SDC4: variants seen among roughly 807,000 people sequenced by gnomAD.
The protein encoded by SDC4 is syndecan 4.
Under a neutral mutation model 20.5 loss-of-function variants are expected in SDC4, and 17 were observed. The ratio of observed to expected loss-of-function variants is 0.83; its 90% CI spans 0.57 to 1.25. SDC4 has a LOEUF of 1.25. Among genes scored for constraint, SDC4 ranks in the 50% most tolerant of loss-of-function variants. SDC4 has a pLI of 0.00. For missense variants in SDC4, 241 were observed against 252.3 expected (o/e 0.96, Z 0.30); for synonymous variants, 107 against 105.3 (o/e 1.02, Z -0.10).
rs1268154603 is a variant in SDC4 at position 45,333,017 on chromosome 20, A to G, written c.246+6T>C. 3.7e-6 allele frequency: 6 copies of G among 1,613,878 alleles called. No homozygotes were observed. The highest frequency in any genetic ancestry group is 5.1e-6 in the Non-Finnish European group (6 of 1,179,816). ...GTGGAAGAGGCAGAAGCATGTAGCT[A>G]CTTACCAAGGGATGGACAACTTCAG... On this transcript the variant is annotated splice_donor_region_variant and intron_variant, in intron 3 of 4. Transcript: ENST00000372733.
chr20:45,345,427 C>T (rs14142), intron 1 of SDC4: 48,314 of 152,080 alleles, frequency 0.32, 8,489 homozygotes, highest in East Asian at 0.42. Flanking sequence ...AAGAGGCCTC[C>T]CCCCAACCTC....
chr20:45,348,407 G>T lies in SDC4; in HGVS notation c.-23C>A. On this transcript the variant is annotated 5_prime_UTR_variant, in exon 1 of 5. Transcript: ENST00000372733. The stretch of plus-strand genomic sequence containing the variant: ...CATGGCACCGCGGACTGGAGAAGGC[G>T]CGCAGGCTGCGGCGAGTGGCCCCGG... The T allele has an allele frequency of 2.0e-6, 3 of 1,535,256 alleles. No homozygotes were observed. Among genetic ancestry groups the T allele is most frequent in the African/African-American group, 2.8e-5 (2 of 70,858 alleles).
intron 3 of SDC4, among the ~76,000 whole-genome samples, chr20:45,332,158 TAC>T (rs1289538067): frequency 1.8e-5 from 2 of 108,452 alleles, no homozygotes; most frequent in East Asian, 7.1e-4. Flanking sequence ...TATATATATA[TAC>T]TTTTTTTTTT....
chr20:45,336,455 T>A (rs1987869995), intron 1 of SDC4, among the ~76,000 whole-genome samples: 1 of 152,176 alleles, frequency 6.6e-6, no homozygotes, highest in Non-Finnish European at 1.5e-5. Flanking sequence ...ATCAAATTAT[T>A]AATATGGCTA....
At chr20:45,348,245 A>AT (rs1491150140) in intron 1 of SDC4, 80 bp downstream of exon 1, 2 of 618,164 alleles carry the variant, frequency 3.2e-6, no homozygotes, top group African/African-American at 6.2e-5. Context: ...GCCCCCCCCC[A>AT]TCCCACGCTC....
Position 45,334,485 on chromosome 20 carries a change from T to A in SDC4, c.199+1297A>T, listed in dbSNP as rs529438848. Among the ~76,000 whole-genome samples, 14 of 152,204 alleles carry A rather than the reference T, an allele frequency of 9.2e-5. No homozygotes were observed. In the South Asian group the frequency reaches 2.9e-3, roughly 32 times the overall value. Reference sequence around the variant, plus strand: ...TGTTGTATGCACATAATGAAATTTATTTTTTTATTTTTATTTTTTTTCAAG... The same window carrying A: ...TGTTGTATGCACATAATGAAATTTAATTTTTTATTTTTATTTTTTTTCAAG... On this transcript the variant is annotated intron_variant, in intron 2 of 4. Transcript: ENST00000372733.
chr20:45,340,461 C>G (rs1987938469), intron 1 of SDC4, among the ~76,000 whole-genome samples: 1 of 152,230 alleles, frequency 6.6e-6, no homozygotes, highest in African/African-American at 2.4e-5. Flanking sequence ...CTTCTCACTG[C>G]CACCCACTCT....
intron 1 of SDC4, among the ~76,000 whole-genome samples, chr20:45,342,364 C>T (rs984840725): frequency 1.3e-5 from 2 of 152,202 alleles, no homozygotes; most frequent in Admixed American, 6.5e-5. Context: ...TCTGGGTAGC[C>T]GGGCCAGCCA....
intron 4 of SDC4, 28 bp from the exon 5 acceptor site, chr20:45,327,443 G>A: frequency 6.2e-7 from 1 of 1,605,094 alleles, no homozygotes; most frequent in Non-Finnish European, 8.5e-7. Flanking sequence ...GAAGAGGCGG[G>A]GGTGAGAGCT....
At chr20:45,344,705 G>C (rs1181996174) in intron 1 of SDC4, among the ~76,000 whole-genome samples, 1 of 152,176 alleles carries the variant, frequency 6.6e-6, no homozygotes, top group Non-Finnish European at 1.5e-5. Context: ...TCTCTTCTGA[G>C]ACTGGGATTT....
chr20:45,333,540 G>A (rs776985560), intron 2 of SDC4, among the ~76,000 whole-genome samples: 22 of 152,126 alleles, frequency 1.4e-4, no homozygotes, highest in Non-Finnish European at 1.3e-4. Context: ...GTGATGGCAC[G>A]CGCCTGTAAT....
chr20:45,333,663 C>T (rs1204207210), intron 2 of SDC4, among the ~76,000 whole-genome samples: 4 of 152,086 alleles, frequency 2.6e-5, no homozygotes, highest in East Asian at 1.9e-4. Context: ...AACAAGACTC[C>T]GTCTCAAAAA....
At chr20:45,329,935 G>A (rs532426371) in intron 4 of SDC4, among the ~76,000 whole-genome samples, 15 of 152,274 alleles carry the variant, frequency 9.9e-5, no homozygotes, top group African/African-American at 2.6e-4. Flanking sequence ...CATCAAGTTC[G>A]AAAGCTTCTC....
intron 1 of SDC4, among the ~76,000 whole-genome samples, chr20:45,342,162 T>C (rs1266257287): frequency 2.0e-5 from 3 of 152,164 alleles, no homozygotes; most frequent in Non-Finnish European, 4.4e-5. Context: ...ACAAACCTCC[T>C]GTGTTCTCAG....
rs528656645 is a variant in SDC4 at position 45,344,303 on chromosome 20, C to T, written c.60+4022G>A. Among the ~76,000 whole-genome samples, 730 of 152,224 alleles carry T rather than the reference C, an allele frequency of 4.8e-3. 3 individuals carry two copies. Among genetic ancestry groups the T allele is most frequent in the Non-Finnish European group, 5.9e-3 (398 of 68,016 alleles). ...ATGTCCTGTATGTCCCCTCGAGCCC[C>T]GGACACTGAAACAGTGACTCCCAAA... On this transcript the variant is annotated intron_variant, in intron 1 of 4. Coordinates refer to ENST00000372733, the MANE Select transcript of SDC4 (RefSeq NM_002999.4).
chr20:45,333,193 G>A (rs1318609130), intron 2 of SDC4, 124 bp from the exon 3 acceptor site: 5 of 853,130 alleles, frequency 5.9e-6, no homozygotes, highest in Non-Finnish European at 9.8e-6. Flanking sequence ...CAGCAAGCGA[G>A]CTTCCCCACC....
chr20:45,343,107 A>G (rs1342953934), intron 1 of SDC4, among the ~76,000 whole-genome samples: 1 of 152,190 alleles, frequency 6.6e-6, no homozygotes, highest in Non-Finnish European at 1.5e-5. Context: ...AGCCTTCAGC[A>G]GATGGGACCA....
At chr20:45,330,597 C>T (rs776912032) in intron 3 of SDC4, 33 bp from the exon 4 acceptor site, 7 of 1,597,770 alleles carry the variant, frequency 4.4e-6, no homozygotes, top group East Asian at 2.2e-5. Flanking sequence ...AGACACTCAG[C>T]GTATTTTGGA....
intron 3 of SDC4, among the ~76,000 whole-genome samples, chr20:45,331,169 C>T (rs1040421771): frequency 3.9e-5 from 6 of 152,058 alleles, no homozygotes; most frequent in African/African-American, 1.4e-4. Flanking sequence ...AGGAGACTCC[C>T]GAATCAAAGG....
Sources: gnomAD v4.1 joint callset for allele counts (sites outside exome capture counted in the v4.1 genomes callset) on GRCh38, gnomAD v4.1.1 for gene constraint, MANE v1.5 for transcripts, NCBI Gene and HGNC (gene_info 2026-07-23, HGNC 2026-07-21) for gene names.